Variants in GALE observed in about 807,000 individuals in gnomAD.
The protein encoded by GALE is UDP-glucose 4-epimerase.
Under a neutral mutation model 44.1 loss-of-function variants are expected in GALE, and 32 were observed. That is an observed-to-expected ratio of 0.73 (90% CI 0.55 to 0.97). The LOEUF is 0.97. GALE is among the 50% of genes least tolerant of loss of function. The pLI, the probability that GALE is intolerant of heterozygous loss-of-function variation, is 0.00. For missense variants in GALE, 423 were observed against 455.6 expected (o/e 0.93, Z 0.65); for synonymous variants, 182 against 183.5 (o/e 0.99, Z 0.06).
intron 2 of GALE, 36 bp from the exon 3 acceptor site, chr1:23,799,048 G>A (rs1287764103): frequency 6.2e-7 from 1 of 1,613,816 alleles, no homozygotes. Flanking sequence ...GGTGGCTGAG[G>A]CTGCCTGCTC....
At chr1:23,797,599 T>A in intron 6 of GALE, 96 bp downstream of exon 6, 1 of 1,177,318 alleles carries the variant, frequency 8.5e-7, no homozygotes, top group Admixed American at 1.8e-5. Flanking sequence ...GCTTCCTCCT[T>A]AGTGGGGGTG....
intron 6 of GALE, among the ~76,000 whole-genome samples, 173 bp downstream of exon 6, chr1:23,797,522 T>A (rs557799916): frequency 2.6e-5 from 4 of 151,872 alleles, no homozygotes; most frequent in Non-Finnish European, 4.4e-5. Context: ...GCCCGGCCAG[T>A]TGTCTATTTA....
Position 23,800,664 on chromosome 1 carries a change from CCCCGGCCCCTCGCGAGCCCA to C in GALE, c.-77+28_-77+47del, listed in dbSNP as rs531018792. 299 of 152,382 alleles carry C rather than the reference CCCCGGCCCCTCGCGAGCCCA, an allele frequency of 2.0e-3. 11 individuals carry two copies. In the South Asian group the frequency reaches 0.059, roughly 30 times the overall value. The allele number at this position is 152,382 out of a possible 1,614,324, so 9.4% of individuals were successfully genotyped here. A position where few individuals can be genotyped will look rare whatever the true frequency, so the allele number is the denominator to read the frequency against. On this transcript the variant is annotated intron_variant, in intron 1 of 11. Coordinates refer to ENST00000617979, the MANE Select transcript of GALE (RefSeq NM_001008216.2). ...GAAACTCCCTCGCTCCCCGCGGACTCCCCGGCCCCTCGCGAGCCCACCCGGCCCTTCATTCCGTCTCCCGA... is the reference window on the plus strand; with the variant it reads ...GAAACTCCCTCGCTCCCCGCGGACTCCCCGGCCCTTCATTCCGTCTCCCGA...
Sources: gnomAD v4.1 joint callset for allele counts (sites outside exome capture counted in the v4.1 genomes callset) on GRCh38, gnomAD v4.1.1 for gene constraint, MANE v1.5 for transcripts, NCBI Gene and HGNC (gene_info 2026-07-23, HGNC 2026-07-21) for gene names.